The following WDR7 variants were observed in gnomAD, a reference collection of about 807,000 sequenced individuals.
WDR7 encodes the protein WD repeat-containing protein 7.
In WDR7, 46 loss-of-function variants were observed where a neutral mutation model predicts 169.4. The ratio of observed to expected loss-of-function variants is 0.27; its 90% CI spans 0.21 to 0.35. The LOEUF (loss-of-function observed/expected upper bound fraction) is 0.35, where lower values mean the gene tolerates loss of function less well. Ranked by LOEUF, WDR7 falls within the 10% of genes least tolerant of loss-of-function variation. The pLI is 1.00. For synonymous variants in WDR7, 612 were observed against 666.8 expected, an observed-to-expected ratio of 0.92 and a Z score of 1.27; for missense variants, 1,534 against 1,859.3, an observed-to-expected ratio of 0.83 and a Z score of 3.22.
intron 21 of WDR7, among the ~76,000 whole-genome samples, chr18:56,913,629 A>G (rs1424380469): frequency 1.1e-4 from 1 of 9,044 alleles, no homozygotes; most frequent in Non-Finnish European, 3.5e-4. Context: ...TCTACAAAAA[A>G]AAAAAAAAAA....
intron 26 of WDR7, among the ~76,000 whole-genome samples, chr18:56,999,355 T>G (rs1037291228): frequency 6.6e-6 from 1 of 152,148 alleles, no homozygotes; most frequent in Non-Finnish European, 1.5e-5. Flanking sequence ...ATATTAGAGA[T>G]AAATATTTTA....
At chr18:56,957,841 A>C (rs1233762801) in intron 25 of WDR7, among the ~76,000 whole-genome samples, 1 of 152,136 alleles carries the variant, frequency 6.6e-6, no homozygotes, top group African/African-American at 2.4e-5. Flanking sequence ...GTTGCATTCT[A>C]ATGTCCAAGG....
intron 19 of WDR7, among the ~76,000 whole-genome samples, chr18:56,793,324 G>C (rs1458395124): frequency 1.3e-5 from 2 of 152,168 alleles, no homozygotes; most frequent in East Asian, 1.9e-4. Context: ...TATATATTCA[G>C]TCATCTTTTA....
chr18:56,767,494 A>G (rs934321835), intron 16 of WDR7, among the ~76,000 whole-genome samples: 1 of 152,192 alleles, frequency 6.6e-6, no homozygotes, highest in African/African-American at 2.4e-5. Flanking sequence ...CACAGGGCTC[A>G]CGTTGCTTGT....
At chr18:56,705,767 G>C (rs2025936456) in intron 12 of WDR7, among the ~76,000 whole-genome samples, 1 of 152,208 alleles carries the variant, frequency 6.6e-6, no homozygotes, top group Non-Finnish European at 1.5e-5. Context: ...GGCAGGCTGA[G>C]GCTGGCAGAT....
chr18:57,013,544 C>T (rs1280890847), intron 26 of WDR7, among the ~76,000 whole-genome samples: 1 of 152,194 alleles, frequency 6.6e-6, no homozygotes, highest in Non-Finnish European at 1.5e-5. Context: ...CCTCTTTAAG[C>T]ACCCAGGTGA....
chr18:56,802,523 A>AT lies in WDR7; in HGVS notation c.3191-13490dup, dbSNP rs34077855. Among the ~76,000 whole-genome samples, 1,087 of 132,390 alleles carry AT rather than the reference A, an allele frequency of 8.2e-3. 19 individuals carry two copies. Among genetic ancestry groups the AT allele is most frequent in the African/African-American group, 0.027 (1,004 of 37,086 alleles). 86.9% of individuals were successfully genotyped at this position (132,390 alleles called of 152,430 possible). On this transcript the variant is annotated intron_variant, in intron 19 of 27. Coordinates refer to ENST00000254442, the MANE Select transcript of WDR7 (RefSeq NM_015285.3). ...CAGGCACCCGCCGCCACACCGGCTA[A>AT]TTTTTTTTTTTTTTTTTTGTATTTT...
intron 21 of WDR7, among the ~76,000 whole-genome samples, chr18:56,884,007 G>A (rs866470953): frequency 2.0e-5 from 3 of 151,940 alleles, no homozygotes; most frequent in Non-Finnish European, 2.9e-5. Flanking sequence ...ATAATGACTT[G>A]TTTTCCTCTG....
intron 27 of WDR7, among the ~76,000 whole-genome samples, chr18:57,024,775 T>A (rs537945303): frequency 2.1e-5 from 3 of 142,650 alleles, no homozygotes; most frequent in African/African-American, 8.3e-5. Flanking sequence ...ATGATAGTTA[T>A]GTCCCTTATA....
intron 25 of WDR7, 33 bp from the exon 26 acceptor site, chr18:56,962,397 T>A: frequency 1.2e-6 from 2 of 1,602,750 alleles, no homozygotes; most frequent in East Asian, 4.5e-5. Flanking sequence ...TGGCTTCTTG[T>A]TTTTGTTTTT....
intron 2 of WDR7, among the ~76,000 whole-genome samples, chr18:56,676,841 C>A (rs1474376269): frequency 6.6e-6 from 1 of 150,894 alleles, no homozygotes; most frequent in Non-Finnish European, 1.5e-5. Flanking sequence ...CTCCAAGTAT[C>A]TGGGACTACA....
At chr18:56,832,512 A>G (rs142918717) in intron 20 of WDR7, among the ~76,000 whole-genome samples, 3,705 of 152,332 alleles carry the variant, frequency 0.024, 66 homozygotes, top group Middle Eastern at 0.092. Flanking sequence ...TGCCTCCTCA[A>G]GTGGGACCCT....
intron 26 of WDR7, among the ~76,000 whole-genome samples, chr18:56,973,317 TA>T (rs1322606065): frequency 3.3e-5 from 5 of 152,260 alleles, no homozygotes; most frequent in Non-Finnish European, 5.9e-5. Flanking sequence ...GAGCAGTTGT[TA>T]TAGGCATTTC....
At chr18:56,812,920 T>C (rs1277568118) in intron 19 of WDR7, among the ~76,000 whole-genome samples, 2 of 151,222 alleles carry the variant, frequency 1.3e-5, no homozygotes, top group African/African-American at 2.4e-5. Flanking sequence ...CTTTACCGGC[T>C]CTCTAGGTAT....
intron 14 of WDR7, among the ~76,000 whole-genome samples, chr18:56,748,598 G>T (rs1465031789): frequency 1.3e-5 from 2 of 151,960 alleles, no homozygotes; most frequent in African/African-American, 4.8e-5. Context: ...AACGTAATAT[G>T]AAACCTTAAA....
At chr18:56,719,425 G>T (rs1338034328) in intron 13 of WDR7, among the ~76,000 whole-genome samples, 1 of 152,062 alleles carries the variant, frequency 6.6e-6, no homozygotes, top group Non-Finnish European at 1.5e-5. Context: ...AGCCGGGCAT[G>T]TTGGCGGGCG....
rs78344691 is a variant in WDR7 at position 56,964,396 on chromosome 18, A to C, written c.4164+1867A>C. ...TTTGTTTTGTTTGTTTTTGGGATGG[A>C]GTGTCTGTCTGTTGCCCAGGCTAGA... On this transcript the variant is annotated intron_variant, in intron 26 of 27. Coordinates refer to ENST00000254442, the MANE Select transcript of WDR7 (RefSeq NM_015285.3). 7.0e-3 allele frequency among the ~76,000 whole-genome samples: 1,065 copies of C among 151,982 alleles called. 40 individuals carry two copies. In the East Asian group the frequency reaches 0.12, roughly 17 times the overall value.
chr18:56,684,469 C>T (rs781779386), intron 5 of WDR7, among the ~76,000 whole-genome samples: 2 of 152,236 alleles, frequency 1.3e-5, no homozygotes, highest in African/African-American at 2.4e-5. Context: ...GGCTGTGTTG[C>T]GATAAAACTT....
intron 26 of WDR7, among the ~76,000 whole-genome samples, chr18:57,019,384 C>T (rs1393414805): frequency 6.6e-6 from 1 of 152,138 alleles, no homozygotes; most frequent in Non-Finnish European, 1.5e-5. Context: ...GGGTACTCTG[C>T]AATGTTAAGT....
Sources: gnomAD v4.1 joint callset for allele counts (sites outside exome capture counted in the v4.1 genomes callset) on GRCh38, gnomAD v4.1.1 for gene constraint, MANE v1.5 for transcripts, NCBI Gene and HGNC (gene_info 2026-07-23, HGNC 2026-07-21) for gene names.